Variants in RIMS2 observed in about 807,000 individuals in gnomAD.
The protein encoded by RIMS2 is regulating synaptic membrane exocytosis protein 2.
In RIMS2, 59 loss-of-function variants were observed where a neutral mutation model predicts 174.4. The observed-to-expected ratio is 0.34, with a 90% confidence interval of 0.27 to 0.42. The LOEUF (loss-of-function observed/expected upper bound fraction) is 0.42, where lower values mean the gene tolerates loss of function less well. Ranked by LOEUF, RIMS2 falls within the 10% of genes least tolerant of loss-of-function variation. The pLI, the probability that RIMS2 is intolerant of heterozygous loss-of-function variation, is 1.00. For missense variants in RIMS2, 1,620 were observed against 1,666.3 expected, an observed-to-expected ratio of 0.97 and a Z score of 0.48; for synonymous variants, 606 against 572.5, an observed-to-expected ratio of 1.06 and a Z score of -0.84.
intron 19 of RIMS2, among the ~76,000 whole-genome samples, chr8:104,030,528 C>T (rs1353386644): frequency 6.6e-6 from 1 of 152,180 alleles, no homozygotes; most frequent in Non-Finnish European, 1.5e-5. Context: ...TGCTCCCCCA[C>T]TTCCCATCTC....
intron 1 of RIMS2, among the ~76,000 whole-genome samples, chr8:103,645,355 A>C (rs1211555070): frequency 6.6e-6 from 1 of 152,158 alleles, no homozygotes; most frequent in African/African-American, 2.4e-5. Flanking sequence ...TTAATATAGA[A>C]ATAGATACCA....
At chr8:104,010,050 A>C (rs2095709456) in intron 17 of RIMS2, among the ~76,000 whole-genome samples, 1 of 152,078 alleles carries the variant, frequency 6.6e-6, no homozygotes, top group South Asian at 2.1e-4. Context: ...GACAGGCAAT[A>C]ACATTGGGTT....
intron 19 of RIMS2, among the ~76,000 whole-genome samples, chr8:104,230,500 G>C (rs2099220278): frequency 6.6e-6 from 1 of 151,666 alleles, no homozygotes; most frequent in African/African-American, 2.4e-5. Flanking sequence ...ACAAAAAGTA[G>C]CTGGGCATGT....
rs949308705 is a variant in RIMS2, at chr8:103,608,599, G to C, written c.177-88487G>C. ...GCGCCCCTCCCCCAGCCTCGCTGCC[G>C]CCTTGCAGTTTGATCTCAGACTGCT... On this transcript the variant is annotated intron_variant, in intron 1 of 23. Transcript: ENST00000504942. Among the ~76,000 whole-genome samples, 106 of 150,132 alleles carry C rather than the reference G, an allele frequency of 7.1e-4. 1 individual carries two copies. The Middle Eastern group carries it at 0.014, about 19-fold the overall frequency.
chr8:103,572,528 G>C (rs1483932824), intron 1 of RIMS2, among the ~76,000 whole-genome samples: 1 of 151,940 alleles, frequency 6.6e-6, no homozygotes, highest in Non-Finnish European at 1.5e-5. Flanking sequence ...CAGTATGTAA[G>C]CATTCCTTTT....
At chr8:104,045,994 G>T (rs1177502994) in intron 19 of RIMS2, among the ~76,000 whole-genome samples, 2 of 151,960 alleles carry the variant, frequency 1.3e-5, no homozygotes, top group African/African-American at 2.4e-5. Context: ...TACAATTACA[G>T]TATTCTTTTC....
intron 19 of RIMS2, among the ~76,000 whole-genome samples, chr8:104,181,517 G>C (rs563076722): frequency 9.9e-5 from 15 of 151,554 alleles, no homozygotes; most frequent in African/African-American, 1.2e-4. Context: ...AACTTAAACT[G>C]TACTACTGAG....
chr8:104,116,650 G>A (rs2098281694), intron 19 of RIMS2, among the ~76,000 whole-genome samples: 1 of 152,012 alleles, frequency 6.6e-6, no homozygotes. Context: ...TTTAAAACTT[G>A]GGAGATACTA....
At chr8:103,793,792 A>G (rs540476273) in intron 3 of RIMS2, among the ~76,000 whole-genome samples, 1 of 152,200 alleles carries the variant, frequency 6.6e-6, no homozygotes, top group Admixed American at 6.5e-5. Flanking sequence ...CCAATAACAG[A>G]CAAACAGAGA....
chr8:104,208,986 A>G (rs1051873834), intron 19 of RIMS2, among the ~76,000 whole-genome samples: 5 of 152,258 alleles, frequency 3.3e-5, no homozygotes, highest in African/African-American at 9.6e-5. Context: ...GAAACAGGTC[A>G]TAAAACTACT....
chr8:103,890,140 T>TAGA (rs1386794931), intron 4 of RIMS2, among the ~76,000 whole-genome samples: 5 of 152,048 alleles, frequency 3.3e-5, no homozygotes, highest in African/African-American at 1.2e-4. Flanking sequence ...TTAAGACTTC[T>TAGA]ATAGGACAAC....
chr8:103,961,340 T>C (rs2090012609), intron 15 of RIMS2, among the ~76,000 whole-genome samples: 3 of 152,146 alleles, frequency 2.0e-5, no homozygotes, highest in African/African-American at 4.8e-5. Flanking sequence ...TCTTGAAAGA[T>C]ACCAGATACG....
intron 3 of RIMS2, among the ~76,000 whole-genome samples, chr8:103,854,760 AT>A (rs1301234592): frequency 6.6e-6 from 1 of 151,700 alleles, no homozygotes; most frequent in Non-Finnish European, 1.5e-5. Flanking sequence ...GTTGGATTTG[AT>A]TTGCCAGTAT....
intron 1 of RIMS2, among the ~76,000 whole-genome samples, chr8:103,509,426 T>C (rs559625951): frequency 1.3e-5 from 2 of 152,286 alleles, no homozygotes; most frequent in African/African-American, 4.8e-5. Flanking sequence ...TTTTATATGT[T>C]AGGCTTAGCA....
At position 103,885,311 on chromosome 8, in the gene RIMS2, T is replaced by C. The variant is rs201322998; in HGVS notation, c.712T>C (p.Ser238Pro). Reference sequence around the variant, plus strand: ...TTGGTTACTTAGGAAAAGAAGCCCATCTGTGTCCAGAGATCAGAATAGAAG... The same window carrying C: ...TTGGTTACTTAGGAAAAGAAGCCCACCTGTGTCCAGAGATCAGAATAGAAG... The change falls in exon 4 of 24, where the codon TCT becomes CCT. Residue 238 changes from serine to proline, a missense_variant. This residue lies in a region of RIMS2 where 1,395 missense variants were observed against 1,360.1 expected (regional missense o/e 1.03). Coordinates refer to ENST00000504942, the Ensembl canonical transcript of RIMS2. 714 of 1,577,318 alleles carry C rather than the reference T, an allele frequency of 4.5e-4. No individual in the cohort carries two copies. Among genetic ancestry groups the C allele is most frequent in the Non-Finnish European group, 5.9e-4 (685 of 1,156,546 alleles).
chr8:104,135,173 T>G (rs182892116), intron 19 of RIMS2, among the ~76,000 whole-genome samples: 2 of 152,100 alleles, frequency 1.3e-5, no homozygotes, highest in African/African-American at 4.8e-5. Flanking sequence ...GGTGAGAGAT[T>G]TGAATAGCAT....
chr8:104,144,957 T>G (rs1328057168), intron 19 of RIMS2, among the ~76,000 whole-genome samples: 1 of 152,172 alleles, frequency 6.6e-6, no homozygotes, highest in Admixed American at 6.5e-5. Flanking sequence ...AAGTTACAGA[T>G]ATCTGCTTCT....
rs560595152 is a variant in RIMS2, at chr8:103,856,811, G to GT, written c.699-28478dup. 1.7e-3 allele frequency among the ~76,000 whole-genome samples: 255 copies of GT among 148,122 alleles called. 1 individual carries two copies. Among genetic ancestry groups the GT allele is most frequent in the African/African-American group, 4.9e-3 (198 of 40,342 alleles). On this transcript the variant is annotated intron_variant, in intron 3 of 23. Transcript: ENST00000504942. ...AGATAACTCAGTTATCTTTTTTTTT[G>GT]TTTTTTTTTCTTTGAGAAGGAGTCT...
At chr8:103,839,562 C>G (rs754075509) in intron 3 of RIMS2, among the ~76,000 whole-genome samples, 24 of 152,148 alleles carry the variant, frequency 1.6e-4, no homozygotes, top group Non-Finnish European at 8.8e-5. Flanking sequence ...TCACAAATAT[C>G]TCTCCAAGCT....
Sources: gnomAD v4.1 joint callset for allele counts (sites outside exome capture counted in the v4.1 genomes callset) on GRCh38, gnomAD v4.1.1 for gene constraint, gnomAD v4.1.1 regional missense constraint, MANE v1.5 for transcripts, NCBI Gene and HGNC (gene_info 2026-07-23, HGNC 2026-07-21) for gene names.